Variants in CCDC148 observed in about 807,000 individuals in gnomAD.
CCDC148 encodes the protein coiled-coil domain containing 148, also known as coiled-coil domain-containing protein 148.
CCDC148 carries 89 observed loss-of-function variants against 85.7 expected under a neutral mutation model. The observed-to-expected ratio is 1.04, with a 90% CI of 0.87 to 1.24. The LOEUF is 1.24. Ranked by LOEUF, CCDC148 falls within the 50% of genes most tolerant of loss-of-function variation. The probability of loss-of-function intolerance (pLI) is 0.00; values close to 1 mark genes in which losing one functional copy is unlikely to be tolerated. For synonymous variants in CCDC148, 230 were observed against 213.9 expected, an observed-to-expected ratio of 1.08 and a Z score of -0.66; for missense variants, 692 against 671.7, an observed-to-expected ratio of 1.03 and a Z score of -0.33.
chr2:158,429,087 G>A (rs1294048691), intron 1 of CCDC148, among the ~76,000 whole-genome samples: 2 of 150,070 alleles, frequency 1.3e-5, no homozygotes, highest in South Asian at 2.1e-4. Context: ...ATTGAACAAC[G>A]AGAACACTTG....
intron 9 of CCDC148, 64 bp from the exon 10 acceptor site, chr2:158,250,976 A>G (rs1688770208): frequency 6.9e-7 from 1 of 1,452,654 alleles, no homozygotes; most frequent in Non-Finnish European, 9.3e-7. Flanking sequence ...CATAGGTCAT[A>G]ATAAGACTAG....
chr2:158,439,113 A>G (rs1687811520), intron 1 of CCDC148, among the ~76,000 whole-genome samples: 1 of 152,218 alleles, frequency 6.6e-6, no homozygotes, highest in South Asian at 2.1e-4. Flanking sequence ...TGACCCAGCC[A>G]TCCCATTACT....
intron 10 of CCDC148, among the ~76,000 whole-genome samples, chr2:158,223,865 G>A (rs1255059167): frequency 6.6e-6 from 1 of 152,222 alleles, no homozygotes; most frequent in Middle Eastern, 3.4e-3. Context: ...CCACAAAGAT[G>A]GGGAAAAAAC....
intron 1 of CCDC148, among the ~76,000 whole-genome samples, chr2:158,443,097 T>C (rs189678637): frequency 2.5e-3 from 373 of 151,872 alleles, no homozygotes; most frequent in Non-Finnish European, 4.2e-3. Flanking sequence ...AAGGTAGGGG[T>C]AAGGTCCTAG....
At chr2:158,178,405 G>A (rs1339457605) in intron 12 of CCDC148, among the ~76,000 whole-genome samples, 1 of 152,128 alleles carries the variant, frequency 6.6e-6, no homozygotes, top group African/African-American at 2.4e-5. Flanking sequence ...ACTAGGCAAA[G>A]TGATAGGAGG....
chr2:158,372,278 T>G (rs1684474780), intron 1 of CCDC148, among the ~76,000 whole-genome samples: 1 of 152,048 alleles, frequency 6.6e-6, no homozygotes, highest in Admixed American at 6.6e-5. Flanking sequence ...TCACACAGCT[T>G]CCACTGACTG....
chr2:158,207,957 A>ACG (rs1269208696), intron 11 of CCDC148, among the ~76,000 whole-genome samples: 6 of 105,620 alleles, frequency 5.7e-5, no homozygotes, highest in Non-Finnish European at 1.1e-4. Context: ...TTGATCTGAC[A>ACG]CACACACACA....
At chr2:158,244,641 C>A (rs1232255871) in intron 10 of CCDC148, among the ~76,000 whole-genome samples, 1 of 152,102 alleles carries the variant, frequency 6.6e-6, no homozygotes, top group African/African-American at 2.4e-5. Context: ...AAATCTCTTA[C>A]CACCCCAGTC....
intron 2 of CCDC148, among the ~76,000 whole-genome samples, chr2:158,356,570 G>C (rs1373691861): frequency 6.6e-6 from 1 of 151,904 alleles, no homozygotes; most frequent in African/African-American, 2.4e-5. Context: ...TCATTAAAAA[G>C]TCAGGAAACA....
At chr2:158,448,471 CT>C (rs939323103) in intron 1 of CCDC148, among the ~76,000 whole-genome samples, 4 of 151,944 alleles carry the variant, frequency 2.6e-5, no homozygotes, top group African/African-American at 9.7e-5. Context: ...CCTCAGACCC[CT>C]GAGGAGCTGG....
intron 1 of CCDC148, among the ~76,000 whole-genome samples, chr2:158,384,595 C>G (rs1373392024): frequency 6.6e-6 from 1 of 152,112 alleles, no homozygotes; most frequent in Non-Finnish European, 1.5e-5. Flanking sequence ...CTGAGGCTGC[C>G]CCAGCCATGT....
intron 1 of CCDC148, among the ~76,000 whole-genome samples, chr2:158,399,810 G>C (rs12233179): frequency 0.72 from 108,996 of 151,956 alleles, 39,904 homozygotes; most frequent in East Asian, 0.82. Context: ...AAGGGTATTC[G>C]ATTAGGAAAA....
In CCDC148 at chr2:158,429,597, T is replaced by A. The variant is rs116924169; in HGVS notation, c.25+26818A>T. 2.0e-5 allele frequency among the ~76,000 whole-genome samples: 3 copies of A among 152,286 alleles called. No homozygotes were observed. The East Asian group carries it at 5.8e-4, about 29-fold the overall frequency. ...CAATAACATCCAATGCGTAAGTGCA[T>A]ACATAAACAAAAATGTAAATTGTTA... On this transcript the variant is annotated intron_variant, in intron 1 of 13. Transcript: ENST00000283233.
At chr2:158,359,488 A>G (rs891079118) in intron 1 of CCDC148, among the ~76,000 whole-genome samples, 2 of 152,118 alleles carry the variant, frequency 1.3e-5, no homozygotes, top group African/African-American at 2.4e-5. Context: ...TGCCTGGCTC[A>G]TCTCATTGGG....
At position 158,345,198 on chromosome 2, in the gene CCDC148, T is replaced by C; in HGVS notation, c.251+17A>G. The C allele has an allele frequency of 3.8e-6, 6 of 1,579,962 alleles. No individual in the cohort carries two copies. The highest frequency in any genetic ancestry group is 5.2e-6 in the Non-Finnish European group (6 of 1,151,236). ...TAGTAATTCCTACGTGTTCTTACTATGTCCCCCAGTTCTTACCTGACTTCA... is the reference window on the plus strand; with the variant it reads ...TAGTAATTCCTACGTGTTCTTACTACGTCCCCCAGTTCTTACCTGACTTCA... On this transcript the variant is annotated intron_variant, in intron 3 of 13. Transcript: ENST00000283233.
At chr2:158,296,280 T>G (rs779547084) in intron 9 of CCDC148, among the ~76,000 whole-genome samples, 31 of 152,280 alleles carry the variant, frequency 2.0e-4, no homozygotes, top group Admixed American at 6.5e-4. Context: ...CTCACTTATT[T>G]TTGCATCTGG....
intron 1 of CCDC148, among the ~76,000 whole-genome samples, chr2:158,397,209 G>A (rs1201146229): frequency 2.0e-5 from 3 of 151,900 alleles, no homozygotes; most frequent in Non-Finnish European, 4.4e-5. Context: ...GGCATGGGGA[G>A]GATAAGACCT....
intron 9 of CCDC148, among the ~76,000 whole-genome samples, chr2:158,254,353 C>T (rs557100247): frequency 1.5e-4 from 23 of 151,674 alleles, no homozygotes; most frequent in Non-Finnish European, 2.5e-4. Context: ...AATTTTAAAG[C>T]TAGATACTTA....
intron 1 of CCDC148, among the ~76,000 whole-genome samples, chr2:158,429,647 T>C (rs545017003): frequency 2.0e-5 from 3 of 152,290 alleles, no homozygotes; most frequent in African/African-American, 7.2e-5. Context: ...GGGATTAAGG[T>C]AGTAATAATA....
Sources: gnomAD v4.1 joint callset for allele counts (sites outside exome capture counted in the v4.1 genomes callset) on GRCh38, gnomAD v4.1.1 for gene constraint, MANE v1.5 for transcripts, NCBI Gene and HGNC (gene_info 2026-07-23, HGNC 2026-07-21) for gene names.